CLVS1: variants seen among roughly 807,000 people sequenced by gnomAD.
The protein encoded by CLVS1 is clavesin 1, also known as clavesin-1.
Under a neutral mutation model 33.1 loss-of-function variants are expected in CLVS1, and 10 were observed. That is an observed-to-expected ratio of 0.30 (90% confidence interval 0.19 to 0.51). The LOEUF is 0.51. Ranked by LOEUF, CLVS1 falls within the 20% of genes least tolerant of loss-of-function variation. CLVS1 has a pLI of 0.97. For synonymous variants in CLVS1, 163 were observed against 166.1 expected, an observed-to-expected ratio of 0.98 and a Z score of 0.14; for missense variants, 343 against 433.4, an observed-to-expected ratio of 0.79 and a Z score of 1.85.
intron 2 of CLVS1, among the ~76,000 whole-genome samples, chr8:61,365,754 GGTGTGTGTGTGTGTGTGTGTGCGTGT>G (rs1282451702): frequency 1.3e-5 from 2 of 148,496 alleles, no homozygotes; most frequent in African/African-American, 5.0e-5. Flanking sequence ...CAGTTTACAG[GGTGTGTGTGTGTGTGTGTGTGCGTGT>G]GTGTGTGTGT....
intron 1 of CLVS1, among the ~76,000 whole-genome samples, chr8:61,064,867 A>T (rs973442610): frequency 2.6e-5 from 4 of 152,004 alleles, no homozygotes; most frequent in Non-Finnish European, 5.9e-5. Context: ...ACGCCTGGCT[A>T]ATTTTTTATA....
At chr8:61,469,887 C>G (rs1817677848) in intron 5 of CLVS1, among the ~76,000 whole-genome samples, 1 of 152,130 alleles carries the variant, frequency 6.6e-6, no homozygotes, top group Non-Finnish European at 1.5e-5. Context: ...TGTCTGATGT[C>G]CAAATTAAAT....
chr8:61,422,931 C>T (rs762719747), intron 3 of CLVS1, among the ~76,000 whole-genome samples: 10 of 151,992 alleles, frequency 6.6e-5, no homozygotes, highest in Middle Eastern at 3.2e-3. Flanking sequence ...AGCCCCTTCC[C>T]CGGTGGACTG....
chr8:61,126,218 G>A (rs562402672), intron 1 of CLVS1, among the ~76,000 whole-genome samples: 5 of 151,974 alleles, frequency 3.3e-5, no homozygotes, highest in East Asian at 1.9e-4. Context: ...TCTGACTCTC[G>A]GTCCAGCTAC....
chr8:61,450,926 G>A (rs1346441220), intron 3 of CLVS1, among the ~76,000 whole-genome samples: 2 of 152,052 alleles, frequency 1.3e-5, no homozygotes, highest in Admixed American at 6.5e-5. Context: ...TTTAAAATAC[G>A]GCAGATGAAG....
intron 3 of CLVS1, among the ~76,000 whole-genome samples, chr8:61,420,398 G>A (rs986231744): frequency 1.2e-4 from 19 of 152,084 alleles, no homozygotes; most frequent in African/African-American, 4.6e-4. Flanking sequence ...AGGAGTTCGA[G>A]ACCAGACTGC....
chr8:61,329,441 A>G (rs1315124212), intron 2 of CLVS1, among the ~76,000 whole-genome samples: 1 of 152,210 alleles, frequency 6.6e-6, no homozygotes. Context: ...TCAACCTGGT[A>G]TTCAATAGAT....
At chr8:61,352,862 G>A (rs987873314) in intron 2 of CLVS1, among the ~76,000 whole-genome samples, 5 of 151,890 alleles carry the variant, frequency 3.3e-5, no homozygotes, top group African/African-American at 9.7e-5. Context: ...CATTTACATA[G>A]CATTAAGTAT....
At position 61,375,411 on chromosome 8, in the gene CLVS1, C is replaced by A. The variant is rs557032945; in HGVS notation, c.456-1194C>A. Among the ~76,000 whole-genome samples the A allele has an allele frequency of 1.5e-3, 229 of 152,132 alleles. 1 individual carries two copies. Among genetic ancestry groups the A allele is most frequent in the African/African-American group, 5.3e-3 (219 of 41,512 alleles). The stretch of plus-strand genomic sequence containing the variant: ...GATTACAGGTGCCCGCCACCACGCC[C>A]AGCTAATTTTTGTATTTTTAGTCGA... On this transcript the variant is annotated intron_variant, in intron 2 of 5. Transcript: ENST00000325897.
intron 2 of CLVS1, among the ~76,000 whole-genome samples, chr8:61,157,834 A>T (rs1162477081): frequency 6.6e-6 from 1 of 152,202 alleles, no homozygotes; most frequent in Non-Finnish European, 1.5e-5. Flanking sequence ...CCATAATGAG[A>T]TGCAACTACA....
chr8:61,273,322 C>G (rs1472259408), intron 2 of CLVS1, among the ~76,000 whole-genome samples: 1 of 152,182 alleles, frequency 6.6e-6, no homozygotes, highest in East Asian at 1.9e-4. Flanking sequence ...GGTTCAGGGA[C>G]CCACTTGAGG....
intron 5 of CLVS1, among the ~76,000 whole-genome samples, chr8:61,463,264 G>A (rs1372977331): frequency 2.6e-5 from 4 of 152,166 alleles, no homozygotes; most frequent in East Asian, 1.9e-4. Context: ...GAAATGTTGC[G>A]GCTGGTTTGA....
the CLVS1 span, among the ~76,000 whole-genome samples, chr8:61,036,927 C>T: frequency 6.5e-3 from 988 of 152,222 alleles, 4 homozygotes; most frequent in African/African-American, 0.021. Context: ...AAACACCCAT[C>T]GTGGGTGAGA....
At chr8:61,162,222 T>C (rs1806767768) in intron 2 of CLVS1, among the ~76,000 whole-genome samples, 1 of 152,244 alleles carries the variant, frequency 6.6e-6, no homozygotes, top group South Asian at 2.1e-4. Flanking sequence ...ATGAAGAAGA[T>C]AGTTTAGCCA....
chr8:61,149,359 C>T (rs1013727003), intron 2 of CLVS1, among the ~76,000 whole-genome samples: 2 of 151,774 alleles, frequency 1.3e-5, no homozygotes, highest in Admixed American at 6.6e-5. Flanking sequence ...TGAGACCAGC[C>T]TGGCCAACAT....
chr8:61,102,830 G>A (rs1251525188), intron 1 of CLVS1, among the ~76,000 whole-genome samples: 2 of 152,144 alleles, frequency 1.3e-5, no homozygotes, highest in East Asian at 1.9e-4. Flanking sequence ...GGAAATAGAA[G>A]AGGAAAGAGC....
At chr8:61,072,940 T>C (rs1804825574) in intron 1 of CLVS1, among the ~76,000 whole-genome samples, 1 of 152,250 alleles carries the variant, frequency 6.6e-6, no homozygotes. Context: ...AAATCTATAA[T>C]CTTTTTTTGT....
At chr8:61,409,294 G>T (rs1404227337) in intron 3 of CLVS1, among the ~76,000 whole-genome samples, 2 of 151,836 alleles carry the variant, frequency 1.3e-5, no homozygotes, top group Non-Finnish European at 2.9e-5. Context: ...TAGTTTCTTT[G>T]TCTTTGTTTA....
chr8:60,970,320 G>T, the CLVS1 span, among the ~76,000 whole-genome samples: 1 of 152,212 alleles, frequency 6.6e-6, no homozygotes, highest in Non-Finnish European at 1.5e-5. Flanking sequence ...AGGACCGGCT[G>T]CTGGTCATCC....
Sources: allele counts gnomAD v4.1 joint callset (sites outside exome capture counted in the v4.1 genomes callset), GRCh38; gene constraint gnomAD v4.1.1; transcripts MANE v1.5; gene names NCBI Gene and HGNC (gene_info 2026-07-23, HGNC 2026-07-21).